Variants in SGMS1 observed in about 807,000 individuals in gnomAD.
SGMS1 encodes phosphatidylcholine:ceramide cholinephosphotransferase 1.
Under a neutral mutation model 46.2 loss-of-function variants are expected in SGMS1, and 13 were observed. The observed-to-expected ratio is 0.28, with a 90% CI of 0.18 to 0.45. SGMS1 has a LOEUF of 0.45. Ranked by LOEUF, SGMS1 falls within the 20% of genes least tolerant of loss-of-function variation. SGMS1 has a pLI of 1.00. For missense variants in SGMS1, 324 were observed against 519.9 expected (o/e 0.62, Z 3.66); for synonymous variants, 203 against 187.8 (o/e 1.08, Z -0.66).
At chr10:50,501,702 C>T (rs1480048037) in intron 3 of SGMS1, among the ~76,000 whole-genome samples, 2 of 152,094 alleles carry the variant, frequency 1.3e-5, no homozygotes, top group Non-Finnish European at 2.9e-5. Context: ...GTCTCTGAGT[C>T]CTGATAGGGC....
intron 5 of SGMS1, among the ~76,000 whole-genome samples, chr10:50,453,863 G>GAGGA (rs1353821688): frequency 4.8e-4 from 26 of 54,172 alleles, no homozygotes; most frequent in Middle Eastern, 8.6e-3. Flanking sequence ...GGGAGGGAGG[G>GAGGA]AGGAAGGAAG....
intron 6 of SGMS1, among the ~76,000 whole-genome samples, chr10:50,406,754 G>T (rs1849021672): frequency 6.7e-6 from 1 of 149,822 alleles, no homozygotes; most frequent in Admixed American, 6.7e-5. Context: ...ACCCAGGCTG[G>T]AGTGCAGTGG....
intron 2 of SGMS1, among the ~76,000 whole-genome samples, chr10:50,551,970 T>A (rs913305295): frequency 6.6e-6 from 1 of 152,204 alleles, no homozygotes; most frequent in Non-Finnish European, 1.5e-5. Flanking sequence ...TCAGATTTTT[T>A]AAGCCCTGCA....
chr10:50,567,104 G>A (rs1442873462), intron 2 of SGMS1, among the ~76,000 whole-genome samples: 1 of 151,996 alleles, frequency 6.6e-6, no homozygotes, highest in African/African-American at 2.4e-5. Context: ...CCGCCACTAC[G>A]CTCAGCTAAT....
At chr10:50,330,509 G>T (rs1490085314) in intron 7 of SGMS1, among the ~76,000 whole-genome samples, 1 of 151,648 alleles carries the variant, frequency 6.6e-6, no homozygotes, top group Non-Finnish European at 1.5e-5. Context: ...ATGAAAAGGG[G>T]TTAAAAAAAA....
intron 6 of SGMS1, among the ~76,000 whole-genome samples, chr10:50,377,489 G>A (rs765749627): frequency 6.6e-6 from 1 of 152,140 alleles, no homozygotes; most frequent in Non-Finnish European, 1.5e-5. Context: ...TAGCACTGAT[G>A]GAAGATGTTT....
intron 5 of SGMS1, among the ~76,000 whole-genome samples, chr10:50,437,743 T>A (rs537890730): frequency 1.3e-5 from 2 of 152,194 alleles, no homozygotes; most frequent in South Asian, 4.1e-4. Context: ...GATGGTATAG[T>A]GAAAGTGACC....
intron 6 of SGMS1, among the ~76,000 whole-genome samples, chr10:50,372,445 A>C (rs1848452025): frequency 6.6e-6 from 1 of 152,246 alleles, no homozygotes; most frequent in Non-Finnish European, 1.5e-5. Flanking sequence ...CTGTAATCCC[A>C]GCACTTTGGG....
chr10:50,431,019 T>G (rs575180904), intron 6 of SGMS1, among the ~76,000 whole-genome samples: 2 of 152,312 alleles, frequency 1.3e-5, no homozygotes, highest in Admixed American at 1.3e-4. Context: ...AAGGGATGTT[T>G]GGAAACCACA....
chr10:50,385,049 C>A (rs929965134), intron 6 of SGMS1, among the ~76,000 whole-genome samples: 13 of 152,144 alleles, frequency 8.5e-5, no homozygotes, highest in African/African-American at 3.1e-4. Context: ...ATGACCCTGA[C>A]AGTTGAAGGG....
intron 8 of SGMS1, among the ~76,000 whole-genome samples, chr10:50,318,155 C>T (rs918039261): frequency 1.3e-5 from 2 of 152,168 alleles, no homozygotes; most frequent in African/African-American, 4.8e-5. Flanking sequence ...TGCCCATTTT[C>T]TGCCTTCTCT....
intron 6 of SGMS1, among the ~76,000 whole-genome samples, chr10:50,408,043 A>G (rs1849041557): frequency 6.6e-6 from 1 of 152,240 alleles, no homozygotes; most frequent in Admixed American, 6.5e-5. Context: ...TATCTGTTCT[A>G]CATAATATGA....
intron 5 of SGMS1, among the ~76,000 whole-genome samples, chr10:50,436,173 C>T (rs962406237): frequency 1.1e-4 from 17 of 152,144 alleles, no homozygotes; most frequent in Admixed American, 5.2e-4. Flanking sequence ...GGCACTATCT[C>T]GGCTCACTGC....
At chr10:50,514,464 T>C (rs988216908) in intron 3 of SGMS1, among the ~76,000 whole-genome samples, 1 of 152,192 alleles carries the variant, frequency 6.6e-6, no homozygotes, top group Admixed American at 6.5e-5. Context: ...AAGTCTCATA[T>C]GGCTCTTATG....
At chr10:50,481,009 G>C (rs1252016004) in intron 3 of SGMS1, among the ~76,000 whole-genome samples, 1 of 152,196 alleles carries the variant, frequency 6.6e-6, no homozygotes, top group African/African-American at 2.4e-5. Flanking sequence ...ACAAAACTCT[G>C]ATCTCCCTGG....
intron 3 of SGMS1, among the ~76,000 whole-genome samples, chr10:50,507,291 C>T (rs1158574758): frequency 6.6e-6 from 1 of 152,162 alleles, no homozygotes; most frequent in African/African-American, 2.4e-5. Flanking sequence ...AAAAGCAAAA[C>T]AGAAGGACTT....
At chr10:50,440,534 A>G (rs567020136) in intron 5 of SGMS1, among the ~76,000 whole-genome samples, 51 of 152,174 alleles carry the variant, frequency 3.4e-4, no homozygotes, top group Non-Finnish European at 5.9e-4. Context: ...TTGCTAAGTA[A>G]TACTAATGTC....
At chr10:50,603,093 T>C (rs1297066916) in intron 1 of SGMS1, among the ~76,000 whole-genome samples, 1 of 152,208 alleles carries the variant, frequency 6.6e-6, no homozygotes, top group Non-Finnish European at 1.5e-5. Flanking sequence ...CAGAAAAACA[T>C]AACCACATTC....
At position 50,497,514 on chromosome 10, in the gene SGMS1, C is replaced by T. The variant is rs192965258; in HGVS notation, c.-498+22317G>A. Reference sequence around the variant, plus strand: ...TGAGTATTAAATACCAGATCCTGGCCGGGCGCGGTGGCTCACGCCTATAAT... The same window carrying T: ...TGAGTATTAAATACCAGATCCTGGCTGGGCGCGGTGGCTCACGCCTATAAT... On this transcript the variant is annotated intron_variant, in intron 3 of 10. Transcript: ENST00000361781. 1.3e-3 allele frequency among the ~76,000 whole-genome samples: 204 copies of T among 152,268 alleles called. 3 individuals are homozygous for T. Among genetic ancestry groups the T allele is most frequent in the South Asian group, 3.9e-3 (19 of 4,822 alleles).
Sources: allele counts gnomAD v4.1 joint callset (sites outside exome capture counted in the v4.1 genomes callset), GRCh38; gene constraint gnomAD v4.1.1; transcripts MANE v1.5; gene names NCBI Gene and HGNC (gene_info 2026-07-23, HGNC 2026-07-21).